The following TIAM1 variants were observed in gnomAD, a reference collection of about 807,000 sequenced individuals.
The protein encoded by TIAM1 is rho guanine nucleotide exchange factor TIAM1.
In TIAM1, 65 loss-of-function variants were observed where a neutral mutation model predicts 163.5. The ratio of observed to expected loss-of-function variants is 0.40; its 90% CI spans 0.33 to 0.49. The LOEUF (loss-of-function observed/expected upper bound fraction) is 0.49, where lower values mean the gene tolerates loss of function less well. TIAM1 is among the 20% of genes least tolerant of loss of function. The pLI is 0.77. For missense variants in TIAM1, 1,789 were observed against 2,044.7 expected, an observed-to-expected ratio of 0.87 and a Z score of 2.41; for synonymous variants, 833 against 810.1, an observed-to-expected ratio of 1.03 and a Z score of -0.48.
At chr21:31,228,239 A>ATT in intron 6 of TIAM1, among the ~76,000 whole-genome samples, 1 of 49,332 alleles carries the variant, frequency 2.0e-5, no homozygotes, top group African/African-American at 4.0e-5. Flanking sequence ...AAAAAAAAAA[A>ATT]AAAAAAAAAA....
intron 1 of TIAM1, among the ~76,000 whole-genome samples, chr21:31,522,532 A>C (rs2047637861): frequency 6.6e-6 from 1 of 151,914 alleles, no homozygotes; most frequent in African/African-American, 2.4e-5. Flanking sequence ...CAAAAACAAA[A>C]ACAAAAAATA....
chr21:31,210,624 A>G (rs1320776321), intron 10 of TIAM1, among the ~76,000 whole-genome samples: 620 of 17,964 alleles, frequency 0.035, 29 homozygotes, highest in Admixed American at 0.054. Context: ...GGAGAAAGAA[A>G]GAAAGAAAGA....
intron 14 of TIAM1, among the ~76,000 whole-genome samples, chr21:31,184,027 C>A (rs970065477): frequency 2.0e-5 from 3 of 152,230 alleles, no homozygotes; most frequent in African/African-American, 7.2e-5. Context: ...TGGCTCACTG[C>A]AACATCTGTC....
intron 2 of TIAM1, among the ~76,000 whole-genome samples, chr21:31,349,547 T>G (rs993663794): frequency 6.6e-6 from 1 of 152,198 alleles, no homozygotes; most frequent in African/African-American, 2.4e-5. Context: ...ACCTCCCTGC[T>G]CGGCAGCAAT....
At chr21:31,165,784 C>T (rs2084182538) in intron 15 of TIAM1, among the ~76,000 whole-genome samples, 1 of 152,018 alleles carries the variant, frequency 6.6e-6, no homozygotes, top group African/African-American at 2.4e-5. Flanking sequence ...TTAAATAAGC[C>T]ATACTGAGAA....
chr21:31,365,908 C>G (rs140243478), intron 2 of TIAM1, among the ~76,000 whole-genome samples: 1 of 151,312 alleles, frequency 6.6e-6, no homozygotes, highest in Non-Finnish European at 1.5e-5. Context: ...TGAGACCATC[C>G]TGGCCAACAT....
chr21:31,274,246 A>G (rs1312556496), intron 3 of TIAM1, among the ~76,000 whole-genome samples: 2 of 152,118 alleles, frequency 1.3e-5, no homozygotes, highest in South Asian at 2.1e-4. Flanking sequence ...AACAAACAGA[A>G]CACACATAAA....
At chr21:31,509,186 C>T (rs1423777618) in intron 1 of TIAM1, among the ~76,000 whole-genome samples, 3 of 152,150 alleles carry the variant, frequency 2.0e-5, no homozygotes, top group African/African-American at 7.2e-5. Flanking sequence ...CAGGACTACC[C>T]GACAAACCCT....
At chr21:31,360,922 T>C (rs1195495112) in intron 2 of TIAM1, among the ~76,000 whole-genome samples, 1 of 152,130 alleles carries the variant, frequency 6.6e-6, no homozygotes, top group East Asian at 1.9e-4. Flanking sequence ...TCTGAGGGCA[T>C]AATGCAAGAG....
At chr21:31,343,953 C>G (rs964451675) in intron 1 of TIAM1, among the ~76,000 whole-genome samples, 185 bp downstream of exon 1, 8 of 152,216 alleles carry the variant, frequency 5.3e-5, no homozygotes, top group Non-Finnish European at 1.0e-4. Flanking sequence ...CGGGGCGCAG[C>G]TTGGAGACGC....
chr21:31,535,865 C>G (rs2123248843), intron 1 of TIAM1, among the ~76,000 whole-genome samples: 1 of 152,294 alleles, frequency 6.6e-6, no homozygotes, highest in Admixed American at 6.5e-5. Flanking sequence ...AAGTACCAAA[C>G]TGAAGGCCCA....
intron 15 of TIAM1, among the ~76,000 whole-genome samples, chr21:31,181,747 C>G (rs1601442608): frequency 3.3e-5 from 2 of 60,252 alleles, no homozygotes; most frequent in African/African-American, 5.9e-5. Flanking sequence ...ACTTCTTCTT[C>G]TTCTTCTTCT....
chr21:31,463,143 TAC>T (rs1481447058), intron 2 of TIAM1, among the ~76,000 whole-genome samples: 1 of 152,128 alleles, frequency 6.6e-6, no homozygotes, highest in Non-Finnish European at 1.5e-5. Context: ...GGAGTGACCT[TAC>T]CCAGGAACTA....
chr21:31,251,672 G>C (rs1277997913), intron 5 of TIAM1, 70 bp downstream of exon 5: 2 of 1,453,570 alleles, frequency 1.4e-6, no homozygotes, highest in Non-Finnish European at 1.9e-6. Context: ...CACCCATCCC[G>C]TGAGTATGTG....
intron 2 of TIAM1, among the ~76,000 whole-genome samples, chr21:31,447,788 T>C (rs781425080): frequency 6.6e-5 from 10 of 152,194 alleles, no homozygotes; most frequent in Non-Finnish European, 1.5e-4. Context: ...TATGCACATA[T>C]ATGCACAACA....
At chr21:31,214,197 C>G (rs2087045163) in intron 9 of TIAM1, among the ~76,000 whole-genome samples, 1 of 151,936 alleles carries the variant, frequency 6.6e-6, no homozygotes, top group Non-Finnish European at 1.5e-5. Flanking sequence ...TAGTGGCATG[C>G]TCCTGTAGTC....
chr21:31,179,615 G>A (rs1196730852), intron 15 of TIAM1, among the ~76,000 whole-genome samples: 2 of 151,596 alleles, frequency 1.3e-5, no homozygotes, highest in African/African-American at 4.8e-5. Context: ...AATAATGGCA[G>A]GGTCCATGGA....
Position 31,482,065 on chromosome 21 carries a change from G to GTGTGTGTGTGTGTGTGTA in TIAM1, c.-421-18031_-421-18030insTACACACACACACACACA, listed in dbSNP as rs1432769180. 3.1e-4 allele frequency among the ~76,000 whole-genome samples: 15 copies of GTGTGTGTGTGTGTGTGTA among 48,644 alleles called. No individual in the cohort carries two copies. The Admixed American group carries it at 4.0e-3, about 13-fold the overall frequency. 31.9% of individuals were successfully genotyped at this position (48,644 alleles called of 152,430 possible). A position where few individuals can be genotyped will look rare whatever the true frequency, so the allele number is the denominator to read the frequency against. On this transcript the variant is annotated intron_variant, in intron 1 of 28. Coordinates refer to the TIAM1 transcript ENST00000286827. The stretch of plus-strand genomic sequence containing the variant: ...TGTGCCAGGAACTGGGACAAAGTGT[G>GTGTGTGTGTGTGTGTGTA]TGTGTGTGTGTGTGTGTGTGTGTGT...
chr21:31,451,856 G>A (rs2044872009), intron 2 of TIAM1, among the ~76,000 whole-genome samples: 1 of 151,980 alleles, frequency 6.6e-6, no homozygotes, highest in Non-Finnish European at 1.5e-5. Context: ...ACATGTCCAG[G>A]AAAGTTTGAG....
Sources: allele counts gnomAD v4.1 joint callset (sites outside exome capture counted in the v4.1 genomes callset), GRCh38; gene constraint gnomAD v4.1.1; transcripts MANE v1.5; gene names NCBI Gene and HGNC (gene_info 2026-07-23, HGNC 2026-07-21).